Variants in DACH2 observed in about 807,000 individuals in gnomAD.
DACH2 encodes dachshund family transcription factor 2, also known as dachshund homolog 2.
In DACH2, 17 loss-of-function variants were observed where a neutral mutation model predicts 35.8. That is an observed-to-expected ratio of 0.48 (90% CI 0.33 to 0.71). DACH2 has a LOEUF of 0.71. DACH2 is among the 30% of genes least tolerant of loss of function. The pLI is 0.02. For synonymous variants in DACH2, 195 were observed against 177.3 expected (o/e 1.10, Z -0.79); for missense variants, 469 against 472.7 (o/e 0.99, Z 0.07).
chrX:86,651,130 G>A lies in DACH2; in HGVS notation c.735G>A (p.Gly245=). The part of the protein sequence containing the change: ...NTLQGNGSQN[G]TESEPDDLNS... ...TTCAGGGAAATGGAAGCCAAAATGG[G>A]ACCGAATCAGAGCCTGATGATCTTA... is the stretch of plus-strand genomic sequence containing the variant. The change falls in exon 4 of 12, where the codon GGG becomes GGA. Residue 245 remains glycine, a synonymous_variant. Transcript: ENST00000373125. 2.5e-6 allele frequency: 3 copies of A among 1,209,544 alleles called. No homozygotes were observed. Among genetic ancestry groups the A allele is most frequent in the Non-Finnish European group, 2.2e-6 (2 of 894,436 alleles).
At chrX:86,417,522 G>A (rs1419339025) in intron 2 of DACH2, among the ~76,000 whole-genome samples, 5 of 111,083 alleles carry the variant, frequency 4.5e-5, no homozygotes, top group African/African-American at 1.3e-4. Context: ...AACTTGTGCC[G>A]GGAAACTCCT....
intron 3 of DACH2, among the ~76,000 whole-genome samples, chrX:86,599,543 C>A (rs2039763310): frequency 1.2e-5 from 1 of 81,108 alleles, no homozygotes; most frequent in Non-Finnish European, 2.3e-5. Context: ...TGTCAACCAG[C>A]TGGAGTGCAG....
At chrX:86,487,490 G>C (rs183473621) in intron 2 of DACH2, among the ~76,000 whole-genome samples, 137 of 111,787 alleles carry the variant, frequency 1.2e-3, no homozygotes, top group African/African-American at 4.3e-3. Flanking sequence ...GCACCAGCTA[G>C]GTGGTCAGTA....
At chrX:86,608,545 C>T (rs6623735) in intron 3 of DACH2, among the ~76,000 whole-genome samples, 1 of 111,190 alleles carries the variant, frequency 9.0e-6, no homozygotes, top group Non-Finnish European at 1.9e-5. Context: ...TAGTTGTGTA[C>T]CTTCAGGTTA....
At chrX:86,414,682 C>T (rs1812179313) in intron 2 of DACH2, among the ~76,000 whole-genome samples, 1 of 111,650 alleles carries the variant, frequency 9.0e-6, no homozygotes, top group African/African-American at 3.3e-5. Context: ...CCTTTGGATT[C>T]CTTCCTCTAC....
chrX:86,360,834 CTT>C (rs2035728308), intron 1 of DACH2, among the ~76,000 whole-genome samples: 1 of 110,494 alleles, frequency 9.1e-6, no homozygotes, highest in Admixed American at 9.6e-5. Context: ...GGAAATGAAA[CTT>C]ATATATTAAA....
intron 2 of DACH2, among the ~76,000 whole-genome samples, chrX:86,410,379 T>C (rs1259743537): frequency 1.8e-5 from 2 of 112,050 alleles, no homozygotes. Context: ...AAAATAATGC[T>C]TTGCTAGAAA....
intron 1 of DACH2, among the ~76,000 whole-genome samples, chrX:86,173,685 G>A (rs900419179): frequency 9.8e-5 from 11 of 111,935 alleles, no homozygotes; most frequent in African/African-American, 3.6e-4. Context: ...TGGCCACATG[G>A]ATCCTTTTAG....
chrX:86,209,419 A>G (rs1036765522), intron 1 of DACH2, among the ~76,000 whole-genome samples: 2 of 111,756 alleles, frequency 1.8e-5, no homozygotes, highest in Non-Finnish European at 3.8e-5. Flanking sequence ...AATTAGAGCA[A>G]TGAATCAAAC....
chrX:86,578,745 C>A (rs1204399567), intron 3 of DACH2, among the ~76,000 whole-genome samples: 1 of 111,260 alleles, frequency 9.0e-6, no homozygotes, highest in Non-Finnish European at 1.9e-5. Context: ...TGGGGGTTTT[C>A]TTGTGTAGAT....
chrX:86,692,069 G>T (rs769346527), intron 4 of DACH2, among the ~76,000 whole-genome samples: 1 of 111,501 alleles, frequency 9.0e-6, no homozygotes, highest in African/African-American at 3.3e-5. Flanking sequence ...AGACAAAAAT[G>T]TGTTCAGAGC....
intron 7 of DACH2, among the ~76,000 whole-genome samples, chrX:86,792,301 G>T (rs1279484084): frequency 8.9e-6 from 1 of 111,871 alleles, no homozygotes; most frequent in Non-Finnish European, 1.9e-5. Flanking sequence ...CACAAGCGTA[G>T]AATGTGAAAT....
chrX:86,691,070 G>T (rs1211343257), intron 4 of DACH2, among the ~76,000 whole-genome samples: 1 of 111,454 alleles, frequency 9.0e-6, no homozygotes, highest in African/African-American at 3.2e-5. Flanking sequence ...ACTTAAAGAG[G>T]TTACTTTATT....
At chrX:86,377,779 A>G (rs1044973695) in intron 2 of DACH2, among the ~76,000 whole-genome samples, 3 of 110,098 alleles carry the variant, frequency 2.7e-5, no homozygotes, top group Non-Finnish European at 5.7e-5. Flanking sequence ...TATACCATGG[A>G]TTTATCCTGG....
rs1569463739 is a variant in DACH2 at position 86,667,600 on chromosome X, GAAA to G, written c.772+16434_772+16436del. ...AGAAAGAAAGAAAGAAAGAAAGAAA[GAAA>G]GAAAGAAAGAAAGGCAGGCAGGCCC... is the stretch of plus-strand genomic sequence containing the variant. On this transcript the variant is annotated intron_variant, in intron 4 of 11. Transcript: ENST00000373125. Among the ~76,000 whole-genome samples, 43 of 102,159 alleles carry G rather than the reference GAAA, an allele frequency of 4.2e-4. 1 individual carries two copies. The highest frequency in any genetic ancestry group is 1.6e-3 in the African/African-American group (39 of 24,814). 88.7% of individuals were successfully genotyped at this position (102,159 alleles called of 115,157 possible).
intron 2 of DACH2, among the ~76,000 whole-genome samples, chrX:86,488,189 TAAG>T (rs1221955529): frequency 1.8e-5 from 2 of 111,490 alleles, no homozygotes; most frequent in African/African-American, 3.3e-5. Context: ...GAATGAAACA[TAAG>T]AAGAAATATT....
chrX:86,411,053 G>A (rs1343986086), intron 2 of DACH2, among the ~76,000 whole-genome samples: 5 of 22,754 alleles, frequency 2.2e-4, no homozygotes, highest in Non-Finnish European at 3.0e-4. Context: ...TATATGTAAA[G>A]GGGAGTTTAT....
At chrX:86,647,774 A>T (rs1364394281) in intron 3 of DACH2, among the ~76,000 whole-genome samples, 1 of 111,093 alleles carries the variant, frequency 9.0e-6, no homozygotes, top group Admixed American at 9.6e-5. Flanking sequence ...GGTCTCATGG[A>T]TATATACATA....
chrX:86,818,935 G>A (rs756739832), intron 11 of DACH2, among the ~76,000 whole-genome samples: 104 of 108,143 alleles, frequency 9.6e-4, no homozygotes, highest in African/African-American at 3.2e-3. Flanking sequence ...ATTTCCACAT[G>A]GGTTTTAGTG....
Sources: gnomAD v4.1 joint callset for allele counts (sites outside exome capture counted in the v4.1 genomes callset) on GRCh38, gnomAD v4.1.1 for gene constraint, MANE v1.5 for transcripts, NCBI Gene and HGNC (gene_info 2026-07-23, HGNC 2026-07-21) for gene names.